SNX24: variants seen among roughly 807,000 people sequenced by gnomAD.
The protein encoded by SNX24 is sorting nexin 24.
A neutral mutation model predicts 28.7 loss-of-function variants in SNX24; 22 were observed. The observed-to-expected ratio is 0.77, with a 90% CI of 0.55 to 1.10. The LOEUF is 1.10. Ranked by LOEUF, SNX24 falls within the 50% of genes least tolerant of loss-of-function variation. The probability of loss-of-function intolerance (pLI) is 0.00; values close to 1 mark genes in which losing one functional copy is unlikely to be tolerated. For synonymous variants in SNX24, 69 were observed against 71.5 expected (o/e 0.96, Z 0.18); for missense variants, 221 against 201.1 (o/e 1.10, Z -0.60).
At chr5:122,996,154 C>T (rs1355019374) in intron 3 of SNX24, among the ~76,000 whole-genome samples, 1 of 152,194 alleles carries the variant, frequency 6.6e-6, no homozygotes, top group African/African-American at 2.4e-5. Flanking sequence ...GTTTTCAACT[C>T]AGCCCAGAGC....
At chr5:123,003,136 C>T (rs1762305123) in intron 6 of SNX24, among the ~76,000 whole-genome samples, 1 of 152,174 alleles carries the variant, frequency 6.6e-6, no homozygotes, top group South Asian at 2.1e-4. Context: ...GGGAACTGCT[C>T]TCTATAGCAA....
intron 1 of SNX24, among the ~76,000 whole-genome samples, chr5:122,911,551 A>C (rs1321543131): frequency 2.0e-5 from 3 of 149,964 alleles, no homozygotes; most frequent in Non-Finnish European, 4.4e-5. Flanking sequence ...GCCCATGCCT[A>C]TGTCCTGAAT....
chr5:122,965,059 A>G (rs1002978208), intron 3 of SNX24, among the ~76,000 whole-genome samples: 8 of 152,184 alleles, frequency 5.3e-5, no homozygotes, highest in Admixed American at 5.2e-4. Flanking sequence ...GAAAGTGTGC[A>G]AACTAAGCAA....
chr5:122,891,096 G>A, intron 1 of SNX24: 1 of 1,533,010 alleles, frequency 6.5e-7, no homozygotes, highest in Non-Finnish European at 8.8e-7. Context: ...TCTGGAAATT[G>A]CTTTTTCAAA....
chr5:122,968,202 G>A (rs530065467), intron 3 of SNX24, among the ~76,000 whole-genome samples: 9 of 152,036 alleles, frequency 5.9e-5, no homozygotes, highest in Admixed American at 3.3e-4. Context: ...AAAGTTAGCC[G>A]GGCGTGGTGG....
chr5:123,017,015 T>C (rs906247016), intron 5 of SNX24, among the ~76,000 whole-genome samples: 10 of 152,156 alleles, frequency 6.6e-5, no homozygotes, highest in Admixed American at 5.2e-4. Context: ...GGTGACAGAT[T>C]TTTGCAGAAC....
intron 1 of SNX24, among the ~76,000 whole-genome samples, chr5:122,859,697 C>T (rs938362353): frequency 4.6e-5 from 7 of 152,068 alleles, no homozygotes; most frequent in African/African-American, 1.4e-4. Flanking sequence ...GACCATGGCC[C>T]GTGACACAGC....
chr5:122,853,006 A>AC (rs1754991785), intron 1 of SNX24, among the ~76,000 whole-genome samples: 3 of 152,108 alleles, frequency 2.0e-5, no homozygotes, highest in East Asian at 3.8e-4. Context: ...ATTGTGTAAC[A>AC]AGGACGTAGC....
intron 3 of SNX24, among the ~76,000 whole-genome samples, chr5:122,981,025 A>G (rs1185129205): frequency 6.6e-6 from 1 of 152,106 alleles, no homozygotes; most frequent in African/African-American, 2.4e-5. Context: ...AATATACTTG[A>G]ATACTTCTAA....
At chr5:122,941,223 G>C (rs1759431409) in intron 2 of SNX24, among the ~76,000 whole-genome samples, 1 of 152,156 alleles carries the variant, frequency 6.6e-6, no homozygotes, top group South Asian at 2.1e-4. Flanking sequence ...CATCTGCAAA[G>C]CCCCCTTTCC....
chr5:122,927,407 T>C (rs550438548), intron 1 of SNX24, among the ~76,000 whole-genome samples: 1 of 152,362 alleles, frequency 6.6e-6, no homozygotes, highest in Admixed American at 6.5e-5. Context: ...ATTTATCTTT[T>C]ATACTGTTTC....
At chr5:122,943,460 G>T (rs2150123153) in intron 2 of SNX24, among the ~76,000 whole-genome samples, 1 of 152,210 alleles carries the variant, frequency 6.6e-6, no homozygotes, top group Non-Finnish European at 1.5e-5. Flanking sequence ...TTTCCTGATG[G>T]AAGCTACTCC....
chr5:122,881,515 G>A (rs1214400404), intron 1 of SNX24, among the ~76,000 whole-genome samples: 2 of 152,154 alleles, frequency 1.3e-5, no homozygotes, highest in African/African-American at 4.8e-5. Context: ...TTAAGTTTGA[G>A]AAGCTCAGGA....
Position 123,007,816 on chromosome 5 carries a change from C to T in SNX24, c.*67C>T, listed in dbSNP as rs1762468972. The T allele has an allele frequency of 1.3e-6, 2 of 1,570,984 alleles. No individual in the cohort carries two copies. The highest frequency in any genetic ancestry group is 8.6e-7 in the Non-Finnish European group (1 of 1,166,870). ...TCACAGTCAAGGAAATCAATACCTA[C>T]CAATTTAACCTAAACGCTATGATAT... On this transcript the variant is annotated 3_prime_UTR_variant, in exon 7 of 7. Coordinates refer to ENST00000261369, the MANE Select transcript of SNX24 (RefSeq NM_014035.4).
At chr5:123,019,952 C>T (rs925794140) in intron 5 of SNX24, among the ~76,000 whole-genome samples, 2 of 152,262 alleles carry the variant, frequency 1.3e-5, no homozygotes, top group Non-Finnish European at 2.9e-5. Flanking sequence ...TCTTGGTCAT[C>T]TGGCATAACA....
At chr5:123,004,850 T>C (rs1418301149) in intron 6 of SNX24, among the ~76,000 whole-genome samples, 1 of 151,674 alleles carries the variant, frequency 6.6e-6, no homozygotes, top group Non-Finnish European at 1.5e-5. Flanking sequence ...GTGCTGATTC[T>C]CCCTCTCCAC....
chr5:122,886,079 G>A (rs1340907015), intron 1 of SNX24, among the ~76,000 whole-genome samples: 1 of 152,166 alleles, frequency 6.6e-6, no homozygotes, highest in Non-Finnish European at 1.5e-5. Flanking sequence ...ACAGGGTTCA[G>A]AGCAAGTGGT....
At chr5:122,900,663 G>A (rs896232332) in intron 1 of SNX24, among the ~76,000 whole-genome samples, 3 of 152,072 alleles carry the variant, frequency 2.0e-5, no homozygotes, top group Non-Finnish European at 4.4e-5. Context: ...CAGCTGCTTG[G>A]GAGGCTGAGG....
intron 3 of SNX24, among the ~76,000 whole-genome samples, chr5:122,954,646 G>GA: frequency 6.6e-6 from 1 of 151,858 alleles, no homozygotes; most frequent in South Asian, 2.1e-4. Context: ...CTAGATATAG[G>GA]AATCTGGGTT....
Sources: gnomAD v4.1 joint callset for allele counts (sites outside exome capture counted in the v4.1 genomes callset) on GRCh38, gnomAD v4.1.1 for gene constraint, MANE v1.5 for transcripts, NCBI Gene and HGNC (gene_info 2026-07-23, HGNC 2026-07-21) for gene names.